Variants in DLG2 observed in about 807,000 individuals in gnomAD.
The protein encoded by DLG2 is discs large MAGUK scaffold protein 2, also known as disks large homolog 2.
In DLG2, 45 loss-of-function variants were observed where a neutral mutation model predicts 132.5. The ratio of observed to expected loss-of-function variants is 0.34; its 90% CI spans 0.27 to 0.44. DLG2 has a LOEUF of 0.44. Among genes scored for constraint, DLG2 ranks in the 20% least tolerant of loss-of-function variants. DLG2 has a pLI of 1.00. For synonymous variants in DLG2, 424 were observed against 419.6 expected (o/e 1.01, Z -0.13); for missense variants, 1,045 against 1,196.9 (o/e 0.87, Z 1.87).
chr11:84,234,865 T>A (rs1220346585), intron 8 of DLG2, among the ~76,000 whole-genome samples: 2 of 152,260 alleles, frequency 1.3e-5, no homozygotes, highest in East Asian at 1.9e-4. Context: ...TTTTCTCTTA[T>A]GGGGAAAATC....
At chr11:85,615,691 G>A (rs1427555419) in intron 2 of DLG2, among the ~76,000 whole-genome samples, 1 of 152,132 alleles carries the variant, frequency 6.6e-6, no homozygotes, top group Non-Finnish European at 1.5e-5. Flanking sequence ...GTATATATTA[G>A]ATGATTTACA....
intron 7 of DLG2, among the ~76,000 whole-genome samples, chr11:84,257,871 G>A (rs1303527664): frequency 6.6e-6 from 1 of 151,680 alleles, no homozygotes; most frequent in Non-Finnish European, 1.5e-5. Flanking sequence ...ATTTTTTATA[G>A]AGACGGGGTT....
intron 18 of DLG2, chr11:83,651,556 G>A (rs2070451874): frequency 5.5e-6 from 1 of 180,640 alleles, no homozygotes; most frequent in Non-Finnish European, 1.2e-5. Flanking sequence ...GGACAACTTA[G>A]TGTTTAGCAT....
At chr11:84,440,510 C>A (rs899039474) in intron 7 of DLG2, among the ~76,000 whole-genome samples, 4 of 152,144 alleles carry the variant, frequency 2.6e-5, no homozygotes, top group Non-Finnish European at 4.4e-5. Context: ...GCAGATGTGT[C>A]TGCTGTAAAG....
chr11:84,176,988 C>T (rs1301993871), intron 8 of DLG2, among the ~76,000 whole-genome samples: 1 of 151,416 alleles, frequency 6.6e-6, no homozygotes, highest in African/African-American at 2.4e-5. Flanking sequence ...CAAAAGGGTA[C>T]CAGAAAAATT....
intron 4 of DLG2, among the ~76,000 whole-genome samples, chr11:85,273,954 A>T (rs2077714562): frequency 6.6e-6 from 1 of 152,214 alleles, no homozygotes; most frequent in Non-Finnish European, 1.5e-5. Flanking sequence ...TGTTCTTTGT[A>T]GGGACATGGA....
chr11:85,029,753 T>C (rs1448008189), intron 6 of DLG2, among the ~76,000 whole-genome samples: 1 of 152,206 alleles, frequency 6.6e-6, no homozygotes, highest in East Asian at 1.9e-4. Flanking sequence ...TCACTGAGTT[T>C]TGGCCAATTA....
intron 8 of DLG2, among the ~76,000 whole-genome samples, chr11:84,220,695 G>A (rs770015776): frequency 1.3e-5 from 2 of 151,660 alleles, no homozygotes; most frequent in Non-Finnish European, 2.9e-5. Flanking sequence ...ATGAGTTTAG[G>A]GGATTAAGAA....
intron 6 of DLG2, among the ~76,000 whole-genome samples, chr11:84,730,607 C>T (rs1393716552): frequency 2.0e-5 from 3 of 151,992 alleles, no homozygotes; most frequent in African/African-American, 7.2e-5. Context: ...TTGAAAGCAG[C>T]AATTCATGGG....
At chr11:85,437,135 C>T (rs1457237106) in intron 3 of DLG2, among the ~76,000 whole-genome samples, 1 of 152,014 alleles carries the variant, frequency 6.6e-6, no homozygotes, top group Non-Finnish European at 1.5e-5. Context: ...GAATAACATA[C>T]ACCAGGAACT....
intron 19 of DLG2, among the ~76,000 whole-genome samples, chr11:83,601,510 C>CTTGTTTTTTTTTT (rs2058541271): frequency 3.2e-5 from 3 of 94,536 alleles, no homozygotes; most frequent in Non-Finnish European, 5.6e-5. Flanking sequence ...ATGTGATGTT[C>CTTGTTTTTTTTTT]TTTTTTTTTT....
intron 15 of DLG2, among the ~76,000 whole-genome samples, chr11:83,890,148 G>A (rs969719229): frequency 2.6e-5 from 4 of 151,798 alleles, no homozygotes; most frequent in Non-Finnish European, 5.9e-5. Flanking sequence ...TAAAAATAGA[G>A]AGGTACTACA....
intron 9 of DLG2, among the ~76,000 whole-genome samples, chr11:84,116,318 C>A (rs1257037610): frequency 1.3e-5 from 2 of 152,200 alleles, no homozygotes; most frequent in Admixed American, 6.5e-5. Context: ...AAAAGGATAT[C>A]CCTGTCCTGC....
intron 6 of DLG2, among the ~76,000 whole-genome samples, chr11:85,009,979 T>A (rs2059012462): frequency 1.3e-5 from 2 of 152,066 alleles, no homozygotes; most frequent in South Asian, 4.1e-4. Context: ...TCCCAGCAAT[T>A]TTTAAAATAA....
intron 16 of DLG2, among the ~76,000 whole-genome samples, chr11:83,865,924 G>A (rs1464939281): frequency 6.6e-6 from 1 of 152,100 alleles, no homozygotes; most frequent in African/African-American, 2.4e-5. Context: ...CACTCAGACA[G>A]ATTTGTAATC....
At chr11:85,571,766 T>G (rs2077855989) in intron 3 of DLG2, among the ~76,000 whole-genome samples, 1 of 152,182 alleles carries the variant, frequency 6.6e-6, no homozygotes, top group African/African-American at 2.4e-5. Context: ...ATCTATTGCA[T>G]CCAATGAAAG....
chr11:85,439,103 G>T (rs1196828622), intron 3 of DLG2, among the ~76,000 whole-genome samples: 1 of 152,092 alleles, frequency 6.6e-6, no homozygotes, highest in East Asian at 1.9e-4. Flanking sequence ...GAATGAGCTG[G>T]TTCCAGATTT....
intron 18 of DLG2, among the ~76,000 whole-genome samples, chr11:83,735,076 CT>C (rs1261604734): frequency 2.0e-5 from 3 of 152,060 alleles, no homozygotes; most frequent in Admixed American, 6.5e-5. Context: ...TGTGTGTCCT[CT>C]GTTTTAAAAT....
intron 10 of DLG2, among the ~76,000 whole-genome samples, chr11:84,096,169 A>C (rs1042677836): frequency 7.2e-5 from 11 of 152,166 alleles, no homozygotes; most frequent in African/African-American, 1.4e-4. Flanking sequence ...GGGTGATCTT[A>C]AAATCATTAA....
Sources: allele counts gnomAD v4.1 joint callset (sites outside exome capture counted in the v4.1 genomes callset), GRCh38; gene constraint gnomAD v4.1.1; transcripts MANE v1.5; gene names NCBI Gene and HGNC (gene_info 2026-07-23, HGNC 2026-07-21).